SLC35F5: variants seen among roughly 807,000 people sequenced by gnomAD.
The protein encoded by SLC35F5 is solute carrier family 35 member F5, also known as HCV NS5A-transactivated protein 3.
In SLC35F5, 54 loss-of-function variants were observed where a neutral mutation model predicts 68.6. The observed-to-expected ratio is 0.79, with a 90% CI of 0.63 to 0.99. The LOEUF (loss-of-function observed/expected upper bound fraction) is 0.99. SLC35F5 is among the 50% of genes least tolerant of loss of function. The pLI, the probability that SLC35F5 is intolerant of heterozygous loss-of-function variation, is 0.00. For synonymous variants in SLC35F5, 211 were observed against 205.2 expected (o/e 1.03, Z -0.24); for missense variants, 567 against 626.9 (o/e 0.90, Z 1.02).
intron 11 of SLC35F5, 26 bp from the exon 12 acceptor site, chr2:113,725,563 G>A: frequency 6.5e-7 from 1 of 1,533,428 alleles, no homozygotes; most frequent in Non-Finnish European, 8.7e-7. Flanking sequence ...AGAGACAAGA[G>A]TTAAAATTGA....
chr2:113,718,253 T>A (rs1687254835), intron 14 of SLC35F5, among the ~76,000 whole-genome samples: 1 of 151,282 alleles, frequency 6.6e-6, no homozygotes, highest in Non-Finnish European at 1.5e-5. Context: ...TCTGGGTAAT[T>A]TTTTTTTTAA....
chr2:113,740,659 C>A (rs756838470), intron 7 of SLC35F5, among the ~76,000 whole-genome samples: 1 of 152,138 alleles, frequency 6.6e-6, no homozygotes, highest in Admixed American at 6.5e-5. Context: ...CAGACCCTCG[C>A]TCAGTCGCCC....
chr2:113,755,634 C>T (rs1316529078), intron 1 of SLC35F5, 90 bp from the exon 2 acceptor site: 1 of 1,280,400 alleles, frequency 7.8e-7, no homozygotes, highest in Non-Finnish European at 1.1e-6. Context: ...TCTTCAAACT[C>T]AAAGCAAATC....
At chr2:113,755,408 TAATGTTCAGTGTGA>T (rs1304319223) in intron 2 of SLC35F5, 32 bp downstream of exon 2, 1 of 1,606,450 alleles carries the variant, frequency 6.2e-7, no homozygotes, top group South Asian at 1.1e-5. Context: ...TTTTGTTAGC[TAATGTTCAGTGTGA>T]AAGTTACATA....
At chr2:113,752,055 T>C (rs1676766711) in intron 3 of SLC35F5, among the ~76,000 whole-genome samples, 1 of 151,864 alleles carries the variant, frequency 6.6e-6, no homozygotes, top group African/African-American at 2.4e-5. Context: ...GTACTAAAAA[T>C]ACAAAAATTA....
chr2:113,702,861 C>G (rs1424424050), downstream of SLC35F5, among the ~76,000 whole-genome samples: 2 of 152,246 alleles, frequency 1.3e-5, no homozygotes, highest in South Asian at 2.1e-4. Flanking sequence ...GTAATCCTAG[C>G]ACTTTGGGAA....
At chr2:113,720,530 T>C (rs1687390753) in intron 13 of SLC35F5, among the ~76,000 whole-genome samples, 1 of 152,148 alleles carries the variant, frequency 6.6e-6, no homozygotes, top group African/African-American at 2.4e-5. Context: ...GGTATTCATA[T>C]ACAATGACTG....
chr2:113,708,470 C>T lies in SLC35F5; in HGVS notation c.*6748G>A, dbSNP rs1574193950. Among the ~76,000 whole-genome samples the T allele has an allele frequency of 1.3e-5, 2 of 152,132 alleles. No homozygotes were observed. Among genetic ancestry groups the T allele is most frequent in the Admixed American group, 6.5e-5 (1 of 15,272 alleles). On this transcript the variant is annotated 3_prime_UTR_variant, in exon 16 of 16. Transcript: ENST00000245680. ...CCGTAATCCCAGCACTTTGGGAGGC[C>T]GAGGCGTGTAGATCACTTGAGGTCA...
rs149397038 is a variant in SLC35F5, at chr2:113,722,061, G to A, written c.1341+1043C>T. ...ATGATCTTGGCTCACTGCAACCTCC[G>A]CCTCCCGGGTTCAAGTGATTCTCCT... is the stretch of plus-strand genomic sequence containing the variant. On this transcript the variant is annotated intron_variant, in intron 13 of 15. Transcript: ENST00000245680. Among the ~76,000 whole-genome samples, 457 of 136,862 alleles carry A rather than the reference G, an allele frequency of 3.3e-3. 11 individuals are homozygous for A. The East Asian group carries it at 0.064, about 19-fold the overall frequency. The allele number at this position is 136,862 out of a possible 152,430, so 89.8% of individuals were successfully genotyped here.
chr2:113,742,465 T>C, intron 7 of SLC35F5: 2 of 557,102 alleles, frequency 3.6e-6, no homozygotes, highest in East Asian at 2.8e-5. Context: ...TGTATATATG[T>C]AAATAGCTGA....
At chr2:113,719,027 C>A in intron 14 of SLC35F5, 127 bp downstream of exon 14, 1 of 747,252 alleles carries the variant, frequency 1.3e-6, no homozygotes, top group Non-Finnish European at 2.1e-6. Context: ...TTTCATCTGC[C>A]GTAACATATA....
intron 5 of SLC35F5, 32 bp downstream of exon 5, chr2:113,746,243 CCT>C (rs757443784): frequency 5.1e-6 from 8 of 1,562,656 alleles, no homozygotes; most frequent in Non-Finnish European, 7.0e-6. Flanking sequence ...CTCAACCCCA[CCT>C]CTCTATTCCT....
chr2:113,707,109 C>T lies in SLC35F5; in HGVS notation c.*8109G>A, dbSNP rs1435618196. Reference sequence around the variant, plus strand: ...GGGATCAAATTATCAAGTTTTTTAACAAAATTGAGGTAAAAATCTGCATTA... The same window carrying T: ...GGGATCAAATTATCAAGTTTTTTAATAAAATTGAGGTAAAAATCTGCATTA... On this transcript the variant is annotated 3_prime_UTR_variant, in exon 16 of 16. Coordinates refer to ENST00000245680, the MANE Select transcript of SLC35F5 (RefSeq NM_025181.5). Among the ~76,000 whole-genome samples, 1 of 151,934 alleles carries T rather than the reference C, an allele frequency of 6.6e-6. No individual in the cohort carries two copies. The highest frequency in any genetic ancestry group is 1.5e-5 in the Non-Finnish European group (1 of 67,950).
intron 14 of SLC35F5, among the ~76,000 whole-genome samples, 189 bp downstream of exon 14, chr2:113,718,965 A>C (rs562458951): frequency 1.6e-4 from 24 of 152,168 alleles, no homozygotes; most frequent in African/African-American, 5.5e-4. Context: ...GAAAGAAAGA[A>C]AGAAAGGAGA....
intron 7 of SLC35F5, among the ~76,000 whole-genome samples, chr2:113,740,882 C>T (rs573528159): frequency 6.6e-6 from 1 of 152,230 alleles, no homozygotes; most frequent in South Asian, 2.1e-4. Context: ...ACCTCAGCCT[C>T]CCAAAGTGCT....
At chr2:113,704,702 CG>C (rs957975530), downstream of SLC35F5, among the ~76,000 whole-genome samples, 35 of 151,730 alleles carry the variant, frequency 2.3e-4, no homozygotes, top group African/African-American at 8.0e-4. Flanking sequence ...GCTCCGAGTG[CG>C]GGGCCCGCCG....
chr2:113,722,396 CA>C (rs1687479850), intron 13 of SLC35F5, among the ~76,000 whole-genome samples: 1 of 152,124 alleles, frequency 6.6e-6, no homozygotes, highest in African/African-American at 2.4e-5. Context: ...CATACACACA[CA>C]CACACACACA....
chr2:113,742,516 A>G lies in SLC35F5; in HGVS notation c.750+176T>C. On this transcript the variant is annotated intron_variant, in intron 7 of 15. Transcript: ENST00000245680. ...AATGAATTCTAACTCTTTGAGGTAT[A>G]TCAAGCATTTATTAATTTTGATACC... 14 of 622,622 alleles carry G rather than the reference A, an allele frequency of 2.2e-5. No individual in the cohort carries two copies. The South Asian group carries it at 2.7e-4, about 12-fold the overall frequency. The allele number at this position is 622,622 out of a possible 1,614,324, so 38.6% of individuals were successfully genotyped here. A position where few individuals can be genotyped will look rare whatever the true frequency, so the allele number is the denominator to read the frequency against.
intron 3 of SLC35F5, 41 bp from the exon 4 acceptor site, chr2:113,750,609 T>C: frequency 6.7e-7 from 1 of 1,496,486 alleles, no homozygotes; most frequent in Non-Finnish European, 9.0e-7. Flanking sequence ...TGAGATGACC[T>C]TAAACCTTAT....
Sources: allele counts gnomAD v4.1 joint callset (sites outside exome capture counted in the v4.1 genomes callset), GRCh38; gene constraint gnomAD v4.1.1; transcripts MANE v1.5; gene names NCBI Gene and HGNC (gene_info 2026-07-23, HGNC 2026-07-21).